The following CRTC1 variants were observed in gnomAD, a reference collection of about 807,000 sequenced individuals.
The protein encoded by CRTC1 is CREB-regulated transcription coactivator 1.
CRTC1 carries 18 observed loss-of-function variants against 66.1 expected under a neutral mutation model. The observed-to-expected ratio is 0.27, with a 90% CI of 0.19 to 0.40. The LOEUF (loss-of-function observed/expected upper bound fraction) is 0.40. Among genes scored for constraint, CRTC1 ranks in the 10% least tolerant of loss-of-function variants. The pLI is 1.00. For synonymous variants in CRTC1, 416 were observed against 398.8 expected (o/e 1.04, Z -0.51); for missense variants, 669 against 887.9 (o/e 0.75, Z 3.13).
intron 1 of CRTC1, among the ~76,000 whole-genome samples, chr19:18,731,529 AT>A (rs1464700998): frequency 6.6e-6 from 1 of 152,202 alleles, no homozygotes; most frequent in Non-Finnish European, 1.5e-5. Flanking sequence ...CTCTTTTCAA[AT>A]AAGGTCACGT....
chr19:18,755,111 C>T (rs1212237499), intron 6 of CRTC1, among the ~76,000 whole-genome samples: 2 of 151,778 alleles, frequency 1.3e-5, no homozygotes, highest in Admixed American at 6.6e-5. Context: ...GCCTCAGCCT[C>T]CCGAGTAGTT....
At chr19:18,733,304 G>A (rs2053929519) in intron 1 of CRTC1, among the ~76,000 whole-genome samples, 1 of 152,088 alleles carries the variant, frequency 6.6e-6, no homozygotes, top group South Asian at 2.1e-4. Flanking sequence ...TTGTGGGGAG[G>A]GAGGCCCCTG....
chr19:18,703,796 C>T (rs2053200996), intron 1 of CRTC1, among the ~76,000 whole-genome samples: 1 of 152,154 alleles, frequency 6.6e-6, no homozygotes, highest in Non-Finnish European at 1.5e-5. Flanking sequence ...TGGGGTTTCA[C>T]TATGTTGGCC....
intron 5 of CRTC1, among the ~76,000 whole-genome samples, chr19:18,753,122 A>T (rs1355106351): frequency 1.3e-4 from 19 of 151,820 alleles, no homozygotes; most frequent in Admixed American, 8.5e-4. Context: ...AAAATAAAAA[A>T]AAAATTAGCC....
intron 1 of CRTC1, among the ~76,000 whole-genome samples, chr19:18,722,863 A>G (rs1055146278): frequency 6.6e-6 from 1 of 151,814 alleles, no homozygotes; most frequent in African/African-American, 2.4e-5. Flanking sequence ...ATCTGACACC[A>G]TGTGGCCTTT....
chr19:18,745,306 C>T (rs1274206585), intron 2 of CRTC1, among the ~76,000 whole-genome samples: 1 of 152,184 alleles, frequency 6.6e-6, no homozygotes, highest in African/African-American at 2.4e-5. Context: ...GCCCTGGGCT[C>T]CACAAGGAAG....
intron 1 of CRTC1, among the ~76,000 whole-genome samples, chr19:18,742,709 C>T (rs774794511): frequency 3.9e-5 from 6 of 152,240 alleles, no homozygotes; most frequent in Non-Finnish European, 8.8e-5. Context: ...GGAGCCGTCC[C>T]GGCACCTCGG....
chr19:18,706,327 T>G (rs977852120), intron 1 of CRTC1, among the ~76,000 whole-genome samples: 3 of 150,950 alleles, frequency 2.0e-5, no homozygotes, highest in Non-Finnish European at 2.9e-5. Context: ...TGCCTTAGCC[T>G]CTTGAGTAGC....
intron 6 of CRTC1, among the ~76,000 whole-genome samples, chr19:18,755,498 C>T (rs561088034): frequency 2.2e-4 from 33 of 151,670 alleles, no homozygotes; most frequent in African/African-American, 6.0e-4. Flanking sequence ...GGTAGGAACA[C>T]GGTTCACTGC....
At chr19:18,744,398 A>G (rs1415739426) in intron 2 of CRTC1, among the ~76,000 whole-genome samples, 1 of 152,210 alleles carries the variant, frequency 6.6e-6, no homozygotes, top group Non-Finnish European at 1.5e-5. Context: ...GGCAGATGCC[A>G]TAGCCGCGCA....
At chr19:18,772,447 G>A (rs1289892081) in intron 11 of CRTC1, among the ~76,000 whole-genome samples, 1 of 152,138 alleles carries the variant, frequency 6.6e-6, no homozygotes, top group Admixed American at 6.5e-5. Flanking sequence ...ATTTCACCAA[G>A]CTGAGAAACC....
In CRTC1 at chr19:18,780,757, G is replaced by A. The variant is rs938298677; in HGVS notation, c.*3375G>A. The A allele has an allele frequency of 9.2e-6, 2 of 218,296 alleles. No homozygotes were observed. The highest frequency in any genetic ancestry group is 1.8e-5 in the Non-Finnish European group (2 of 108,474). 13.5% of individuals were successfully genotyped at this position (218,296 alleles called of 1,614,324 possible). A position where few individuals can be genotyped will look rare whatever the true frequency, so the allele number is the denominator to read the frequency against. ...TTGCCCAGGCTGGTCTCGGACTCCTGGGCTCAAGCAGTCCTCCCTCCTCGG... is the reference window on the plus strand; with the variant it reads ...TTGCCCAGGCTGGTCTCGGACTCCTAGGCTCAAGCAGTCCTCCCTCCTCGG... On this transcript the variant is annotated 3_prime_UTR_variant, in exon 14 of 14. Transcript: ENST00000321949.
chr19:18,710,837 G>A (rs2053374682), intron 1 of CRTC1, among the ~76,000 whole-genome samples: 1 of 152,100 alleles, frequency 6.6e-6, no homozygotes, highest in Non-Finnish European at 1.5e-5. Flanking sequence ...GGCTGGTCTC[G>A]AACTCCTGAC....
intron 1 of CRTC1, among the ~76,000 whole-genome samples, chr19:18,729,282 C>A (rs546736359): frequency 1.3e-5 from 2 of 151,134 alleles, no homozygotes; most frequent in African/African-American, 2.4e-5. Context: ...AAAAATTAGC[C>A]GGGCGTGGCG....
At chr19:18,708,074 G>A (rs535290147) in intron 1 of CRTC1, among the ~76,000 whole-genome samples, 1 of 152,344 alleles carries the variant, frequency 6.6e-6, no homozygotes, top group East Asian at 1.9e-4. Context: ...TGGGACATTA[G>A]GGGTGAGGTC....
intron 9 of CRTC1, among the ~76,000 whole-genome samples, chr19:18,767,186 T>A (rs949391784): frequency 1.7e-4 from 26 of 152,138 alleles, no homozygotes; most frequent in Non-Finnish European, 3.5e-4. Flanking sequence ...AAAATTTTTT[T>A]ATTTTTTAAT....
chr19:18,766,419 G>A (rs1192246451), intron 9 of CRTC1, among the ~76,000 whole-genome samples: 2 of 150,272 alleles, frequency 1.3e-5, no homozygotes, highest in Non-Finnish European at 2.9e-5. Flanking sequence ...GATTACAGAT[G>A]TGAGCCACCG....
Position 18,780,035 on chromosome 19 carries a change from C to G in CRTC1, c.*2653C>G, listed in dbSNP as rs1043137469. On this transcript the variant is annotated 3_prime_UTR_variant, in exon 14 of 14. Transcript: ENST00000321949. ...TCACTACTACATATTCTTGAATTGC[C>G]AAGACTTTCTGAAACAAGACAGCTT... The G allele has an allele frequency of 4.3e-6, 1 of 230,264 alleles. No individual in the cohort carries two copies. Among genetic ancestry groups the G allele is most frequent in the Non-Finnish European group, 8.6e-6 (1 of 116,272 alleles). 14.3% of individuals were successfully genotyped at this position (230,264 alleles called of 1,614,324 possible).
At chr19:18,714,005 C>T (rs547472021) in intron 1 of CRTC1, among the ~76,000 whole-genome samples, 9 of 152,308 alleles carry the variant, frequency 5.9e-5, no homozygotes, top group Admixed American at 2.0e-4. Context: ...GGGCGGCCCA[C>T]GCTCACCTCT....
Sources: gnomAD v4.1 joint callset for allele counts (sites outside exome capture counted in the v4.1 genomes callset) on GRCh38, gnomAD v4.1.1 for gene constraint, MANE v1.5 for transcripts, NCBI Gene and HGNC (gene_info 2026-07-23, HGNC 2026-07-21) for gene names.